LRP12: variants seen among roughly 807,000 people sequenced by gnomAD.
LRP12 encodes low-density lipoprotein receptor-related protein 12.
A neutral mutation model predicts 66.0 loss-of-function variants in LRP12; 14 were observed. The ratio of observed to expected loss-of-function variants is 0.21; its 90% confidence interval spans 0.14 to 0.33. The LOEUF (loss-of-function observed/expected upper bound fraction) is 0.33, where lower values mean the gene tolerates loss of function less well. LRP12 is among the 10% of genes least tolerant of loss of function. The pLI is 1.00. For synonymous variants in LRP12, 357 were observed against 359.1 expected (o/e 0.99, Z 0.07); for missense variants, 889 against 1,053.4 (o/e 0.84, Z 2.16).
chr8:104,518,950 G>A (rs180930288), intron 2 of LRP12, among the ~76,000 whole-genome samples: 1 of 151,996 alleles, frequency 6.6e-6, no homozygotes, highest in Admixed American at 6.6e-5. Context: ...TAGAGTCTAT[G>A]GGCCACTGAG....
At position 104,490,935 on chromosome 8, in the gene LRP12, A is replaced by ACAT; in HGVS notation, c.2315_2317dup (p.Asp772dup). 2 of 1,614,054 alleles carry ACAT rather than the reference A, an allele frequency of 1.2e-6. No individual in the cohort carries two copies. The highest frequency in any genetic ancestry group is 1.7e-6 in the Non-Finnish European group (2 of 1,180,026). On this transcript the variant is annotated inframe_insertion, in exon 7 of 7. Coordinates refer to ENST00000276654, the MANE Select transcript of LRP12 (RefSeq NM_013437.5). ...ATCAGAAATTGGAATTAGCATTTCA[A>ACAT]CATCATCATCATCTTCTCTTCCACT... is the stretch of plus-strand genomic sequence containing the variant.
At chr8:104,573,483 T>C (rs559015253) in intron 1 of LRP12, among the ~76,000 whole-genome samples, 1 of 152,290 alleles carries the variant, frequency 6.6e-6, no homozygotes, top group South Asian at 2.1e-4. Context: ...CTTAATCCTA[T>C]AGCTGATGCG....
intron 1 of LRP12, among the ~76,000 whole-genome samples, chr8:104,557,268 C>CT (rs1208041180): frequency 2.0e-5 from 3 of 152,094 alleles, no homozygotes; most frequent in Admixed American, 2.0e-4. Context: ...CAACATAGTA[C>CT]TGGAAGTCTT....
At chr8:104,567,387 C>T (rs1483130365) in intron 1 of LRP12, among the ~76,000 whole-genome samples, 1 of 152,088 alleles carries the variant, frequency 6.6e-6, no homozygotes, top group Admixed American at 6.5e-5. Context: ...AGGAGACTTA[C>T]TCACTATCAC....
At chr8:104,576,950 G>C (rs1564149215) in intron 1 of LRP12, among the ~76,000 whole-genome samples, 1 of 152,058 alleles carries the variant, frequency 6.6e-6, no homozygotes, top group Non-Finnish European at 1.5e-5. Context: ...AGCAATCCTA[G>C]TTTCAGATAA....
intron 1 of LRP12, among the ~76,000 whole-genome samples, chr8:104,587,440 T>A (rs1230346810): frequency 6.6e-6 from 1 of 152,042 alleles, no homozygotes; most frequent in Non-Finnish European, 1.5e-5. Context: ...GTGTACTGGG[T>A]TTTTGGTCCC....
At chr8:104,588,082 T>A (rs1387934319) in intron 1 of LRP12, among the ~76,000 whole-genome samples, 3 of 152,194 alleles carry the variant, frequency 2.0e-5, no homozygotes, top group African/African-American at 7.2e-5. Flanking sequence ...TCTAACCCGA[T>A]CCATCGACTG....
At chr8:104,547,303 T>C (rs182866223) in intron 1 of LRP12, among the ~76,000 whole-genome samples, 198 of 138,080 alleles carry the variant, frequency 1.4e-3, no homozygotes, top group African/African-American at 4.3e-3. Flanking sequence ...ATATTTTGTA[T>C]ATAATATACA....
chr8:104,541,656 C>T (rs1376530884), intron 1 of LRP12, among the ~76,000 whole-genome samples: 3 of 152,124 alleles, frequency 2.0e-5, no homozygotes, highest in Non-Finnish European at 4.4e-5. Context: ...AGCAGTTATT[C>T]CCCTTTTTCT....
chr8:104,565,209 C>G (rs961610727), intron 1 of LRP12, among the ~76,000 whole-genome samples: 14 of 152,054 alleles, frequency 9.2e-5, no homozygotes, highest in African/African-American at 3.1e-4. Context: ...GTGCATATAT[C>G]CACACAACTA....
At chr8:104,545,666 GTA>G (rs1218572514) in intron 1 of LRP12, among the ~76,000 whole-genome samples, 3 of 152,014 alleles carry the variant, frequency 2.0e-5, no homozygotes, top group African/African-American at 7.3e-5. Context: ...TTAAATTAAG[GTA>G]TATATATTTT....
intron 2 of LRP12, among the ~76,000 whole-genome samples, chr8:104,525,842 CAGG>C (rs939394742): frequency 6.6e-6 from 1 of 151,860 alleles, no homozygotes; most frequent in Non-Finnish European, 1.5e-5. Flanking sequence ...GGCAATTAGG[CAGG>C]AGAAGGAAAA....
rs1810791477 is a variant in LRP12 at position 104,499,519 on chromosome 8, A to G, written c.273T>C (p.Ser91=). 1 of 1,584,434 alleles carries G rather than the reference A, an allele frequency of 6.3e-7. No individual in the cohort carries two copies. The part of the protein sequence containing the change: ...RANPGEIITI[S]FQDFDIQGSR... ...ATCCTTGAATATCAAAATCCTGAAA[A>G]CTGAAAAAAAAATCAGAAATGTCTA... Residue 91 remains serine, a splice_region_variant and synonymous_variant, in exon 4 of 7, where the codon AGT becomes AGC. Transcript: ENST00000276654.
intron 2 of LRP12, among the ~76,000 whole-genome samples, chr8:104,512,325 C>T (rs1811011876): frequency 6.6e-6 from 1 of 152,138 alleles, no homozygotes; most frequent in African/African-American, 2.4e-5. Context: ...TATCTCCTAA[C>T]ACAGCATTCT....
At chr8:104,566,594 C>T (rs962573604) in intron 1 of LRP12, among the ~76,000 whole-genome samples, 9 of 152,130 alleles carry the variant, frequency 5.9e-5, no homozygotes, top group African/African-American at 2.2e-4. Context: ...TCTTGTGAAT[C>T]AACTTGTGAT....
At chr8:104,551,190 G>C (rs982830704) in intron 1 of LRP12, among the ~76,000 whole-genome samples, 1 of 152,148 alleles carries the variant, frequency 6.6e-6, no homozygotes, top group Non-Finnish European at 1.5e-5. Context: ...AAAGTTGAGT[G>C]CATTGCCACT....
At chr8:104,512,303 G>A (rs180925437) in intron 2 of LRP12, among the ~76,000 whole-genome samples, 71 of 152,254 alleles carry the variant, frequency 4.7e-4, no homozygotes, top group South Asian at 2.1e-4. Flanking sequence ...GTGACAGAGC[G>A]AGACTTTTCA....
At chr8:104,570,385 A>G (rs1007703717) in intron 1 of LRP12, among the ~76,000 whole-genome samples, 22 of 152,218 alleles carry the variant, frequency 1.4e-4, no homozygotes, top group Admixed American at 3.9e-4. Context: ...GACTTAGGAT[A>G]AAGCTACAGT....
chr8:104,579,125 G>C (rs1478373151), intron 1 of LRP12, among the ~76,000 whole-genome samples: 1 of 152,034 alleles, frequency 6.6e-6, no homozygotes, highest in Non-Finnish European at 1.5e-5. Flanking sequence ...TAAATAGGAA[G>C]AGAGGATGTC....
Sources: allele counts gnomAD v4.1 joint callset (sites outside exome capture counted in the v4.1 genomes callset), GRCh38; gene constraint gnomAD v4.1.1; transcripts MANE v1.5; gene names NCBI Gene and HGNC (gene_info 2026-07-23, HGNC 2026-07-21).